The following LHFPL2 variants were observed in gnomAD, a reference collection of about 807,000 sequenced individuals.
LHFPL2 encodes the protein LHFPL tetraspan subfamily member 2 protein.
In LHFPL2, 7 loss-of-function variants were observed where a neutral mutation model predicts 17.5. The ratio of observed to expected loss-of-function variants is 0.40; its 90% CI spans 0.23 to 0.75. The LOEUF is 0.75. Ranked by LOEUF, LHFPL2 falls within the 30% of genes least tolerant of loss-of-function variation. LHFPL2 has a pLI of 0.37. For missense variants in LHFPL2, 241 were observed against 294.8 expected (o/e 0.82, Z 1.34); for synonymous variants, 134 against 116.2 (o/e 1.15, Z -0.99).
At chr5:78,615,880 C>A (rs553034345) in intron 2 of LHFPL2, among the ~76,000 whole-genome samples, 26 of 152,260 alleles carry the variant, frequency 1.7e-4, no homozygotes, top group Non-Finnish European at 2.9e-4. Context: ...GGGCAATGTT[C>A]TGGAAAGCAG....
chr5:78,508,060 A>C (rs1284380997), intron 4 of LHFPL2, among the ~76,000 whole-genome samples: 1 of 151,968 alleles, frequency 6.6e-6, no homozygotes, highest in Non-Finnish European at 1.5e-5. Flanking sequence ...CTTGAAACCC[A>C]CCTTTAATAT....
rs1184611734 is a variant in LHFPL2, at chr5:78,648,271, T to TGTTCCCTTCCCATTCCCAGCACCC, written c.-350+204_-350+227dup. On this transcript the variant is annotated intron_variant, in intron 1 of 4. Coordinates refer to ENST00000380345, the MANE Select transcript of LHFPL2 (RefSeq NM_005779.3). The surrounding 1 kb of genome is among the most constrained non-coding windows in gnomAD (Gnocchi z 5.4). ...GCCGCCGGCGGCGCTGAGAAGCAGC[T>TGTTCCCTTCCCATTCCCAGCACCC]GTTCCCTTCCCATTCCCAGCACCCA... is the stretch of plus-strand genomic sequence containing the variant. Among the ~76,000 whole-genome samples the TGTTCCCTTCCCATTCCCAGCACCC allele has an allele frequency of 6.6e-6, 1 of 152,074 alleles. No homozygotes were observed. The highest frequency in any genetic ancestry group is 2.4e-5 in the African/African-American group (1 of 41,432).
At chr5:78,514,233 T>A (rs1437769600) in intron 3 of LHFPL2, among the ~76,000 whole-genome samples, 1 of 152,058 alleles carries the variant, frequency 6.6e-6, no homozygotes, top group East Asian at 1.9e-4. Flanking sequence ...ACTAAATACG[T>A]TTCCCCTCGA....
At chr5:78,551,024 A>G (rs982098784) in intron 3 of LHFPL2, among the ~76,000 whole-genome samples, 1 of 152,242 alleles carries the variant, frequency 6.6e-6, no homozygotes, top group Non-Finnish European at 1.5e-5. Flanking sequence ...CAGAGCAGTC[A>G]GTGGCCAATT....
intron 4 of LHFPL2, chr5:78,494,235 A>G: frequency 3.1e-6 from 1 of 324,150 alleles, no homozygotes; most frequent in Non-Finnish European, 4.4e-6. Flanking sequence ...TACCTGATTC[A>G]TGACTGGGTC....
intron 2 of LHFPL2, among the ~76,000 whole-genome samples, chr5:78,584,097 C>T (rs1216047146): frequency 2.0e-5 from 3 of 151,480 alleles, no homozygotes; most frequent in African/African-American, 4.8e-5. Context: ...CTTCTGCATT[C>T]TTCACGTAGT....
At chr5:78,602,011 C>G (rs1349057887) in intron 2 of LHFPL2, among the ~76,000 whole-genome samples, 1 of 152,052 alleles carries the variant, frequency 6.6e-6, no homozygotes, top group African/African-American at 2.4e-5. Context: ...GGAAAAAATA[C>G]GCAGACACAA....
intron 3 of LHFPL2, among the ~76,000 whole-genome samples, chr5:78,550,057 T>A (rs1580798981): frequency 6.6e-6 from 1 of 152,348 alleles, no homozygotes; most frequent in East Asian, 1.9e-4. Flanking sequence ...TCACTCTGAA[T>A]AAATTCCACG....
intron 4 of LHFPL2, among the ~76,000 whole-genome samples, chr5:78,503,893 G>T (rs899679367): frequency 6.6e-6 from 1 of 152,008 alleles, no homozygotes; most frequent in African/African-American, 2.4e-5. Flanking sequence ...CTCTAATACA[G>T]CCTGGAAGCA....
In LHFPL2 at chr5:78,641,479, T is replaced by G. The variant is rs146131862; in HGVS notation, c.-350+7020A>C. On this transcript the variant is annotated intron_variant, in intron 1 of 4. Coordinates refer to ENST00000380345, the MANE Select transcript of LHFPL2 (RefSeq NM_005779.3). ...TTCAAATACTATAACTGGGTGCAGG[T>G]TTCCTTGCTTATTTTTTTTTAAGGT... is the stretch of plus-strand genomic sequence containing the variant. 3.2e-3 allele frequency among the ~76,000 whole-genome samples: 484 copies of G among 152,326 alleles called. 4 individuals carry two copies. The highest frequency in any genetic ancestry group is 0.011 in the African/African-American group (445 of 41,574).
At chr5:78,567,677 A>G (rs1340099322) in intron 2 of LHFPL2, among the ~76,000 whole-genome samples, 4 of 152,184 alleles carry the variant, frequency 2.6e-5, no homozygotes, top group African/African-American at 9.7e-5. Flanking sequence ...AAGGATGAGG[A>G]AGCAGGCAAA....
At chr5:78,547,699 T>G in intron 3 of LHFPL2, among the ~76,000 whole-genome samples, 1 of 151,640 alleles carries the variant, frequency 6.6e-6, no homozygotes, top group Non-Finnish European at 1.5e-5. Flanking sequence ...GAGGAGGGGA[T>G]CAGGATAACA....
intron 2 of LHFPL2, among the ~76,000 whole-genome samples, chr5:78,579,479 C>A (rs1462936058): frequency 1.3e-5 from 2 of 152,194 alleles, no homozygotes; most frequent in Non-Finnish European, 2.9e-5. Flanking sequence ...TCTCCCAGTG[C>A]TAACCCTCCC....
chr5:78,556,179 CAAACGTAGG>C (rs2112401633), intron 3 of LHFPL2, among the ~76,000 whole-genome samples: 1 of 152,288 alleles, frequency 6.6e-6, no homozygotes, highest in South Asian at 2.1e-4. Context: ...GACTTCCCCT[CAAACGTAGG>C]ACACTTTTGT....
chr5:78,631,965 A>G (rs560822359), intron 2 of LHFPL2, among the ~76,000 whole-genome samples: 30 of 151,954 alleles, frequency 2.0e-4, no homozygotes, highest in Non-Finnish European at 3.4e-4. Context: ...AAAGAAAAAA[A>G]GAAATTTGGG....
chr5:78,627,967 C>T (rs974123582), intron 2 of LHFPL2, among the ~76,000 whole-genome samples: 1 of 152,154 alleles, frequency 6.6e-6, no homozygotes, highest in African/African-American at 2.4e-5. Context: ...AGATGGAATG[C>T]CATGTTCCTG....
chr5:78,564,357 C>A (rs981813843), intron 3 of LHFPL2, among the ~76,000 whole-genome samples: 52 of 152,170 alleles, frequency 3.4e-4, no homozygotes, highest in Non-Finnish European at 5.1e-4. Context: ...TATTAGTCAA[C>A]TGTTTTTAAC....
chr5:78,585,587 AGCTGCAT>A (rs1743355946), intron 2 of LHFPL2, among the ~76,000 whole-genome samples: 2 of 152,062 alleles, frequency 1.3e-5, no homozygotes, highest in African/African-American at 2.4e-5. Flanking sequence ...TCATGCTGGG[AGCTGCAT>A]ACTGGAGTTG....
In LHFPL2 at chr5:78,585,136, A is replaced by C. The variant is rs1743332899; in HGVS notation, c.-244-20265T>G. On this transcript the variant is annotated intron_variant, in intron 2 of 4. Coordinates refer to ENST00000380345, the MANE Select transcript of LHFPL2 (RefSeq NM_005779.3). ...ATTCTCCTGCCTCAGCCTCCCAAGT[A>C]GCTGGGACTACAGGTGCCCGCCACT... is the stretch of plus-strand genomic sequence containing the variant. 2.8e-5 allele frequency among the ~76,000 whole-genome samples: 3 copies of C among 107,698 alleles called. No individual in the cohort carries two copies. In the South Asian group the frequency reaches 8.5e-4, roughly 31 times the overall value. 70.7% of individuals were successfully genotyped at this position (107,698 alleles called of 152,430 possible). A position where few individuals can be genotyped will look rare whatever the true frequency, so the allele number is the denominator to read the frequency against.
Sources: gnomAD v4.1 joint callset for allele counts (sites outside exome capture counted in the v4.1 genomes callset) on GRCh38, gnomAD v4.1.1 for gene constraint, Gnocchi (gnomAD v3.1) non-coding constraint, MANE v1.5 for transcripts, NCBI Gene and HGNC (gene_info 2026-07-23, HGNC 2026-07-21) for gene names.